ALDH1A2: variants seen among roughly 807,000 people sequenced by gnomAD.
ALDH1A2 encodes the protein aldehyde dehydrogenase 1 family member A2, also known as retinal dehydrogenase 2.
ALDH1A2 carries 27 observed loss-of-function variants against 60.3 expected under a neutral mutation model. That is an observed-to-expected ratio of 0.45 (90% CI 0.33 to 0.62). ALDH1A2 has a LOEUF of 0.62. Among genes scored for constraint, ALDH1A2 ranks in the 20% least tolerant of loss-of-function variants. ALDH1A2 has a pLI of 0.02. For synonymous variants in ALDH1A2, 289 were observed against 232.4 expected (o/e 1.24, Z -2.21); for missense variants, 581 against 643.8 (o/e 0.90, Z 1.06).
chr15:58,052,433 G>T (rs189361782), intron 1 of ALDH1A2, among the ~76,000 whole-genome samples: 84 of 152,126 alleles, frequency 5.5e-4, no homozygotes, highest in African/African-American at 1.9e-3. Context: ...CTCTCATTTT[G>T]TAAGTAACAA....
chr15:58,049,546 T>G (rs1896721752), intron 1 of ALDH1A2, among the ~76,000 whole-genome samples: 1 of 152,106 alleles, frequency 6.6e-6, no homozygotes, highest in Non-Finnish European at 1.5e-5. Flanking sequence ...TTGTTCTGTC[T>G]GAGTATTCGT....
chr15:57,994,527 T>G (rs972080871), intron 5 of ALDH1A2, among the ~76,000 whole-genome samples: 5 of 152,172 alleles, frequency 3.3e-5, no homozygotes, highest in African/African-American at 9.6e-5. Context: ...GGACAATGTT[T>G]AATGTTCCAA....
At chr15:58,017,974 G>A (rs1301537053) in intron 1 of ALDH1A2, among the ~76,000 whole-genome samples, 1 of 151,984 alleles carries the variant, frequency 6.6e-6, no homozygotes, top group African/African-American at 2.4e-5. Context: ...AACTTTGTTG[G>A]TACATGGAAT....
At chr15:58,015,278 T>C (rs974815985) in intron 1 of ALDH1A2, among the ~76,000 whole-genome samples, 2 of 152,052 alleles carry the variant, frequency 1.3e-5, no homozygotes, top group African/African-American at 2.4e-5. Context: ...TGAGGCTTAA[T>C]AAATATAAAT....
chr15:57,977,945 T>C (rs1470556708), intron 7 of ALDH1A2, among the ~76,000 whole-genome samples: 1 of 152,216 alleles, frequency 6.6e-6, no homozygotes, highest in Non-Finnish European at 1.5e-5. Context: ...GAGTATTTTA[T>C]TCTCTTTATA....
intron 4 of ALDH1A2, 98 bp from the exon 5 acceptor site, chr15:57,995,237 C>CAAAAAA: frequency 8.4e-6 from 4 of 474,048 alleles, no homozygotes; most frequent in Admixed American, 3.8e-5. Flanking sequence ...AAAAAAAAAA[C>CAAAAAA]AAACAGAAAT....
At position 57,954,048 on chromosome 15, in the gene ALDH1A2, G is replaced by T. The variant is rs1415373970; in HGVS notation, c.*1149C>A. Reference sequence around the variant, plus strand: ...AGGGGCAAGAATGGGGTGTGACAGAGGAGCTCAGTGGAGCACGGCAGTCCT... The same window carrying T: ...AGGGGCAAGAATGGGGTGTGACAGATGAGCTCAGTGGAGCACGGCAGTCCT... On this transcript the variant is annotated 3_prime_UTR_variant, in exon 13 of 13. Coordinates refer to ENST00000249750, the MANE Select transcript of ALDH1A2 (RefSeq NM_003888.4). 1 of 152,450 alleles carries T rather than the reference G, an allele frequency of 6.6e-6. No individual in the cohort carries two copies. Among genetic ancestry groups the T allele is most frequent in the Non-Finnish European group, 1.5e-5 (1 of 68,094 alleles). The allele number at this position is 152,450 out of a possible 1,614,324, so 9.4% of individuals were successfully genotyped here. A position where few individuals can be genotyped will look rare whatever the true frequency, so the allele number is the denominator to read the frequency against.
chr15:57,983,028 T>C (rs1894567814), intron 7 of ALDH1A2, among the ~76,000 whole-genome samples: 2 of 152,178 alleles, frequency 1.3e-5, no homozygotes, highest in African/African-American at 4.8e-5. Context: ...TTCCCATCTC[T>C]ATAAGGTTTT....
At chr15:58,035,612 T>C (rs1284253633) in intron 1 of ALDH1A2, among the ~76,000 whole-genome samples, 1 of 151,732 alleles carries the variant, frequency 6.6e-6, no homozygotes, top group African/African-American at 2.4e-5. Context: ...TTTTAAGTTG[T>C]ATTTTCATTT....
intron 1 of ALDH1A2, among the ~76,000 whole-genome samples, chr15:58,044,177 A>C (rs1272874392): frequency 6.6e-6 from 1 of 151,874 alleles, no homozygotes; most frequent in Admixed American, 6.6e-5. Flanking sequence ...TCTGGGATAC[A>C]TGTATAGAAT....
chr15:58,058,649 A>C (rs1392119790), intron 1 of ALDH1A2, among the ~76,000 whole-genome samples: 1 of 152,182 alleles, frequency 6.6e-6, no homozygotes, highest in African/African-American at 2.4e-5. Flanking sequence ...CTTCTAGATA[A>C]GAAACAGGTG....
intron 8 of ALDH1A2, among the ~76,000 whole-genome samples, 176 bp downstream of exon 8, chr15:57,965,549 C>T (rs1204498583): frequency 6.6e-6 from 1 of 152,144 alleles, no homozygotes; most frequent in Non-Finnish European, 1.5e-5. Flanking sequence ...CTGGTTCAGT[C>T]GTCAACTGAA....
At position 57,957,879 on chromosome 15, in the gene ALDH1A2, A is replaced by G. The variant is rs34313909; in HGVS notation, c.1485-2610T>C. Among the ~76,000 whole-genome samples the G allele has an allele frequency of 4.8e-3, 710 of 148,872 alleles. 8 individuals carry two copies. Among genetic ancestry groups the G allele is most frequent in the African/African-American group, 0.017 (686 of 40,972 alleles). On this transcript the variant is annotated intron_variant, in intron 12 of 12. Coordinates refer to ENST00000249750, the MANE Select transcript of ALDH1A2 (RefSeq NM_003888.4). ...AGCGGAGTAAAGTCTCCAGACCATC[A>G]GCATCAGAGGAGCTTGCAGGTGGTC...
intron 4 of ALDH1A2, among the ~76,000 whole-genome samples, chr15:58,003,795 C>T (rs115850403): frequency 3.7e-4 from 56 of 151,812 alleles, no homozygotes; most frequent in African/African-American, 1.0e-3. Flanking sequence ...ATAACATTAG[C>T]GATAATGTAA....
intron 7 of ALDH1A2, among the ~76,000 whole-genome samples, chr15:57,988,257 T>C (rs1243026031): frequency 1.3e-5 from 2 of 152,178 alleles, no homozygotes; most frequent in Non-Finnish European, 2.9e-5. Flanking sequence ...TAACATAAAG[T>C]ATTTAATGGT....
intron 1 of ALDH1A2, among the ~76,000 whole-genome samples, chr15:58,027,102 C>A (rs1369145596): frequency 6.6e-6 from 1 of 152,188 alleles, no homozygotes; most frequent in Admixed American, 6.5e-5. Context: ...CCACTGTAGG[C>A]TGACTGGGAG....
chr15:57,955,583 A>T (rs2197092), intron 12 of ALDH1A2, among the ~76,000 whole-genome samples: 1 of 152,064 alleles, frequency 6.6e-6, no homozygotes, highest in Admixed American at 6.5e-5. Context: ...GAGAACTACC[A>T]TCAGCCTTGG....
intron 7 of ALDH1A2, among the ~76,000 whole-genome samples, chr15:57,968,504 C>G (rs1893964477): frequency 6.6e-6 from 1 of 152,230 alleles, no homozygotes. Context: ...CTCTTTTCTA[C>G]ATTTACTGAG....
At chr15:57,976,416 T>C (rs1264660063) in intron 7 of ALDH1A2, among the ~76,000 whole-genome samples, 2 of 152,190 alleles carry the variant, frequency 1.3e-5, no homozygotes, top group African/African-American at 4.8e-5. Flanking sequence ...CCTAATGTTA[T>C]CCCTCCCCTA....
Sources: allele counts gnomAD v4.1 joint callset (sites outside exome capture counted in the v4.1 genomes callset), GRCh38; gene constraint gnomAD v4.1.1; transcripts MANE v1.5; gene names NCBI Gene and HGNC (gene_info 2026-07-23, HGNC 2026-07-21).